Variants in NRCAM observed in about 807,000 individuals in gnomAD.
NRCAM encodes neuronal cell adhesion molecule.
A neutral mutation model predicts 156.5 loss-of-function variants in NRCAM; 83 were observed. The ratio of observed to expected loss-of-function variants is 0.53; its 90% confidence interval spans 0.44 to 0.64. The LOEUF (loss-of-function observed/expected upper bound fraction) is 0.64. NRCAM is among the 30% of genes least tolerant of loss of function. The pLI is 0.00. For missense variants in NRCAM, 1,417 were observed against 1,597.3 expected (o/e 0.89, Z 1.92); for synonymous variants, 538 against 563.9 (o/e 0.95, Z 0.65).
rs2073589869 is a variant in NRCAM at position 108,194,105 on chromosome 7, TCAAAGGA to T, written c.1690_1696del (p.Ser564AsnfsTer4). 6.2e-7 allele frequency: 1 copy of T among 1,614,158 alleles called. No homozygotes were observed. ...GGTGTGATCATGTTTCACTTTGCAT[TCAAAGGA>T]CACCATGCTCCCTCTTTGCACAACT... On this transcript the variant is annotated frameshift_variant, in exon 17 of 33. Transcript: ENST00000379028. LOFTEE classifies it high-confidence loss of function.
rs138525334 is a variant in NRCAM, at chr7:108,232,486, G to A, written c.267C>T (p.Ile89=). 21 of 1,612,400 alleles carry A rather than the reference G, an allele frequency of 1.3e-5. No individual in the cohort carries two copies. Among genetic ancestry groups the A allele is most frequent in the African/African-American group, 8.0e-5 (6 of 74,760 alleles). Residue 89 remains isoleucine (I), a synonymous_variant, in exon 7 of 33, where the codon ATC becomes ATT. Coordinates refer to ENST00000379028, the MANE Select transcript of NRCAM (RefSeq NM_001037132.4). The part of the protein sequence containing the change: ...SWTRNGTHFD[I]DKDPLVTMKP... Reference sequence around the variant, plus strand: ...TCATGGTGACCAGAGGGTCTTTATCGATGTCAAAATGAGTCCCATTACGGG... The same window carrying A: ...TCATGGTGACCAGAGGGTCTTTATCAATGTCAAAATGAGTCCCATTACGGG...
intron 7 of NRCAM, 136 bp downstream of exon 7, chr7:108,232,190 T>C: frequency 1.5e-6 from 1 of 655,284 alleles, no homozygotes; most frequent in Non-Finnish European, 2.5e-6. Flanking sequence ...GAGCAATAAC[T>C]TTCATGCAAA....
At chr7:108,428,769 C>T (rs1820714077) in intron 1 of NRCAM, among the ~76,000 whole-genome samples, 1 of 152,106 alleles carries the variant, frequency 6.6e-6, no homozygotes, top group South Asian at 2.1e-4. Context: ...ATTTTTCATA[C>T]TTTTTCTTTT....
chr7:108,362,336 T>C (rs1418765856), intron 2 of NRCAM, among the ~76,000 whole-genome samples: 2 of 152,148 alleles, frequency 1.3e-5, no homozygotes, highest in East Asian at 3.9e-4. Context: ...AAGGCCCCAC[T>C]TCCTAATATC....
intron 3 of NRCAM, among the ~76,000 whole-genome samples, chr7:108,279,496 T>C (rs931305890): frequency 6.6e-6 from 1 of 151,542 alleles, no homozygotes; most frequent in African/African-American, 2.4e-5. Context: ...GTGTGACTTA[T>C]GCAACACTGT....
In NRCAM at chr7:108,178,130, C is replaced by G; in HGVS notation, c.2852-18G>C. On this transcript the variant is annotated intron_variant, in intron 25 of 32. Coordinates refer to ENST00000379028, the MANE Select transcript of NRCAM (RefSeq NM_001037132.4). ...ACTGGGGACTTACAGTGAGAACTTA[C>G]AGTCAACACAAAGATTTCTGAATGT... The G allele has an allele frequency of 1.2e-6, 2 of 1,606,816 alleles. No homozygotes were observed. The highest frequency in any genetic ancestry group is 8.5e-7 in the Non-Finnish European group (1 of 1,176,104).
intron 3 of NRCAM, among the ~76,000 whole-genome samples, chr7:108,270,649 A>G (rs2097309365): frequency 6.6e-6 from 1 of 152,252 alleles, no homozygotes; most frequent in Non-Finnish European, 1.5e-5. Flanking sequence ...GTGTCCATCA[A>G]AGAATGAATG....
chr7:108,324,877 C>CATTTTTTTTTTTTTT lies in NRCAM; in HGVS notation c.-173-12147_-173-12146insAAAAAAAAAAAAAAT, dbSNP rs201240389. 3.6e-5 allele frequency among the ~76,000 whole-genome samples: 3 copies of CATTTTTTTTTTTTTT among 82,676 alleles called. 1 individual carries two copies. The highest frequency in any genetic ancestry group is 5.1e-5 in the African/African-American group (1 of 19,532). 54.2% of individuals were successfully genotyped at this position (82,676 alleles called of 152,430 possible). Reference sequence around the variant, plus strand: ...TGTTTGTGTAATATTTGGCACTGTACTTTTTTTTTTTTTTTTTTTTTTTTT... The same window carrying CATTTTTTTTTTTTTT: ...TGTTTGTGTAATATTTGGCACTGTACATTTTTTTTTTTTTTTTTTTTTTTTTTTTTTTTTTTTTTT... On this transcript the variant is annotated intron_variant, in intron 2 of 32. Coordinates refer to ENST00000379028, the MANE Select transcript of NRCAM (RefSeq NM_001037132.4).
intron 3 of NRCAM, among the ~76,000 whole-genome samples, chr7:108,299,772 G>T (rs1332035149): frequency 6.6e-6 from 1 of 152,136 alleles, no homozygotes; most frequent in Non-Finnish European, 1.5e-5. Context: ...CAGCTCTTGT[G>T]AACTAATTAA....
At chr7:108,331,157 G>A (rs929516609) in intron 2 of NRCAM, among the ~76,000 whole-genome samples, 3 of 152,030 alleles carry the variant, frequency 2.0e-5, no homozygotes, top group African/African-American at 7.2e-5. Context: ...CCAATACTTT[G>A]GGAGGCCGAG....
intron 11 of NRCAM, among the ~76,000 whole-genome samples, chr7:108,218,173 T>TGGGGG: frequency 8.4e-6 from 1 of 118,688 alleles, no homozygotes; most frequent in African/African-American, 3.4e-5. Context: ...TTCCCTTGGC[T>TGGGGG]GGGGGGGGGG....
At chr7:108,251,024 A>G (rs1269644) in intron 3 of NRCAM, among the ~76,000 whole-genome samples, 126,805 of 152,146 alleles carry the variant, frequency 0.83, 52,961 homozygotes, top group East Asian at 0.99. Flanking sequence ...GAAGAGTCAG[A>G]ACAGAAAAAC....
rs1298979445 is a variant in NRCAM at position 108,180,429 on chromosome 7, T to C, written c.2647-2A>G. The C allele has an allele frequency of 1.2e-6, 2 of 1,613,022 alleles. No individual in the cohort carries two copies. Among genetic ancestry groups the C allele is most frequent in the African/African-American group, 1.3e-5 (1 of 74,916 alleles). ...ACTCTGGGTCTTCCAATAGTAAATC[T>C]GAAACAGCAAGAACGAAAGTCAGGA... On this transcript the variant is annotated splice_acceptor_variant, in intron 24 of 32. Coordinates refer to ENST00000379028, the MANE Select transcript of NRCAM (RefSeq NM_001037132.4). LOFTEE classifies it high-confidence loss of function.
intron 1 of NRCAM, among the ~76,000 whole-genome samples, chr7:108,430,582 G>A (rs1473785116): frequency 6.6e-6 from 1 of 152,140 alleles, no homozygotes; most frequent in Non-Finnish European, 1.5e-5. Flanking sequence ...AATCAGTTTG[G>A]AAAACATTAA....
At chr7:108,295,648 T>TG (rs1279526259) in intron 3 of NRCAM, among the ~76,000 whole-genome samples, 1 of 152,212 alleles carries the variant, frequency 6.6e-6, no homozygotes, top group Non-Finnish European at 1.5e-5. Context: ...ATATGAATTT[T>TG]GGGGGGACAC....
intron 3 of NRCAM, among the ~76,000 whole-genome samples, chr7:108,311,745 A>G (rs558962104): frequency 2.4e-4 from 37 of 152,322 alleles, no homozygotes; most frequent in African/African-American, 8.4e-4. Flanking sequence ...TTTCAATTAC[A>G]AAAGGACATC....
intron 1 of NRCAM, among the ~76,000 whole-genome samples, chr7:108,409,424 A>T (rs980544902): frequency 6.6e-6 from 1 of 152,148 alleles, no homozygotes; most frequent in African/African-American, 2.4e-5. Flanking sequence ...AGCTTCTGAC[A>T]CTTCCTTCCC....
At chr7:108,250,277 T>C (rs907058143) in intron 3 of NRCAM, among the ~76,000 whole-genome samples, 3 of 151,458 alleles carry the variant, frequency 2.0e-5, no homozygotes, top group African/African-American at 7.3e-5. Flanking sequence ...ATACACAAAA[T>C]AAGCTGGGCA....
At chr7:108,313,933 C>A (rs921800590) in intron 2 of NRCAM, among the ~76,000 whole-genome samples, 4 of 152,106 alleles carry the variant, frequency 2.6e-5, no homozygotes, top group African/African-American at 9.6e-5. Flanking sequence ...TAAATCTAAA[C>A]AAGAAAAAAA....
Sources: allele counts gnomAD v4.1 joint callset (sites outside exome capture counted in the v4.1 genomes callset), GRCh38; gene constraint gnomAD v4.1.1; transcripts MANE v1.5; gene names NCBI Gene and HGNC (gene_info 2026-07-23, HGNC 2026-07-21).